The following RGS7 variants were observed in gnomAD, a reference collection of about 807,000 sequenced individuals.
The protein encoded by RGS7 is regulator of G protein signaling 7.
RGS7 carries 27 observed loss-of-function variants against 81.1 expected under a neutral mutation model. The observed-to-expected ratio is 0.33, with a 90% CI of 0.25 to 0.46. RGS7 has a LOEUF of 0.46. Ranked by LOEUF, RGS7 falls within the 20% of genes least tolerant of loss-of-function variation. RGS7 has a pLI of 1.00. For synonymous variants in RGS7, 208 were observed against 207.7 expected (o/e 1.00, Z -0.01); for missense variants, 396 against 607.4 (o/e 0.65, Z 3.66).
chr1:240,943,193 T>C (rs796476765), intron 4 of RGS7, among the ~76,000 whole-genome samples: 1 of 152,144 alleles, frequency 6.6e-6, no homozygotes, highest in Non-Finnish European at 1.5e-5. Flanking sequence ...GAAATTAATA[T>C]AAGTAAACGC....
chr1:241,344,416 A>G (rs2082761356), intron 2 of RGS7, among the ~76,000 whole-genome samples: 1 of 152,236 alleles, frequency 6.6e-6, no homozygotes, highest in South Asian at 2.1e-4. Flanking sequence ...TTTCTGGACA[A>G]TTACAATGAA....
At chr1:241,101,923 T>C (rs1030857393) in intron 2 of RGS7, among the ~76,000 whole-genome samples, 1 of 152,218 alleles carries the variant, frequency 6.6e-6, no homozygotes, top group Admixed American at 6.5e-5. Context: ...GTGTTTTCTT[T>C]GTATAGTCTC....
intron 2 of RGS7, among the ~76,000 whole-genome samples, chr1:241,162,317 A>G (rs1333817001): frequency 6.6e-6 from 1 of 151,624 alleles, no homozygotes; most frequent in Admixed American, 6.6e-5. Flanking sequence ...AGCTTCCTCC[A>G]GGAACGCTCT....
chr1:241,260,599 G>A (rs2077278688), intron 2 of RGS7, among the ~76,000 whole-genome samples: 1 of 151,986 alleles, frequency 6.6e-6, no homozygotes, highest in Non-Finnish European at 1.5e-5. Flanking sequence ...GTAGACCTTG[G>A]ATAAGGCATT....
Position 241,098,895 on chromosome 1 carries a change from T to A in RGS7, c.79-133A>T, listed in dbSNP as rs2064502528. The A allele has an allele frequency of 8.6e-6, 6 of 695,422 alleles. No individual in the cohort carries two copies. In the South Asian group the frequency reaches 9.6e-5, roughly 11 times the overall value. The allele number at this position is 695,422 out of a possible 1,614,324, so 43.1% of individuals were successfully genotyped here. A position where few individuals can be genotyped will look rare whatever the true frequency, so the allele number is the denominator to read the frequency against. ...GCCGTATTCTTGCCTTTCTAGTTTT[T>A]GCCACATTAATAGTTTAAATACTGT... On this transcript the variant is annotated intron_variant, in intron 2 of 18. Coordinates refer to ENST00000440928, the MANE Select transcript of RGS7 (RefSeq NM_001364886.1).
chr1:241,317,525 G>T (rs2080952814), intron 2 of RGS7, among the ~76,000 whole-genome samples: 1 of 152,138 alleles, frequency 6.6e-6, no homozygotes. Context: ...GGAAGCTACT[G>T]TCAACTCTTC....
chr1:241,348,065 G>A (rs1194164369), intron 2 of RGS7, among the ~76,000 whole-genome samples: 3 of 152,104 alleles, frequency 2.0e-5, no homozygotes, highest in Non-Finnish European at 2.9e-5. Flanking sequence ...TAGCCACCAA[G>A]ACCATTTAAA....
intron 3 of RGS7, among the ~76,000 whole-genome samples, chr1:241,066,827 T>C (rs1225782652): frequency 6.6e-6 from 1 of 152,202 alleles, no homozygotes; most frequent in Non-Finnish European, 1.5e-5. Context: ...CTAGGCCCTT[T>C]AGCTCGCTAT....
intron 4 of RGS7, among the ~76,000 whole-genome samples, chr1:240,967,882 T>C (rs6683585): frequency 0.4 from 61,459 of 152,054 alleles, 13,178 homozygotes; most frequent in East Asian, 0.63. Context: ...AAATTAGAGT[T>C]ATTGCTTTTA....
Position 240,981,130 on chromosome 1 carries a change from G to C in RGS7, c.226+1949C>G, listed in dbSNP as rs144932659. 1.7e-3 allele frequency among the ~76,000 whole-genome samples: 252 copies of C among 152,052 alleles called. 5 individuals are homozygous for C. The East Asian group carries it at 0.042, about 25-fold the overall frequency. ...TTGTTTGTTTGTTTGTTTGTTTCGA[G>C]ACAGAGTCACGCTCTGTCACCCAGG... On this transcript the variant is annotated intron_variant, in intron 4 of 18. Transcript: ENST00000440928.
At chr1:241,106,716 CAAAAAAAAAAAA>C (rs757488665) in intron 2 of RGS7, among the ~76,000 whole-genome samples, 5 of 34,050 alleles carry the variant, frequency 1.5e-4, no homozygotes, top group Non-Finnish European at 3.4e-4. Flanking sequence ...ACTCCGTCTC[CAAAAAAAAAAAA>C]AAAAAAAAAA....
chr1:241,288,698 C>A (rs148679447), intron 2 of RGS7, among the ~76,000 whole-genome samples: 1 of 152,302 alleles, frequency 6.6e-6, no homozygotes, highest in African/African-American at 2.4e-5. Flanking sequence ...GGGCGCCTAA[C>A]AATTGCAATC....
At chr1:241,020,660 A>G (rs1185253241) in intron 3 of RGS7, among the ~76,000 whole-genome samples, 1 of 152,178 alleles carries the variant, frequency 6.6e-6, no homozygotes, top group South Asian at 2.1e-4. Context: ...ATCTTCTATA[A>G]TGTATTAGTT....
rs775622578 is a variant in RGS7, at chr1:240,983,083, A to G, written c.222T>C (p.Asp74=). 2 of 1,535,218 alleles carry G rather than the reference A, an allele frequency of 1.3e-6. No individual in the cohort carries two copies. The highest frequency in any genetic ancestry group is 2.7e-5 in the African/African-American group (2 of 73,366). Residue 74 remains aspartate, a synonymous_variant, in exon 4 of 19, where the codon GAT becomes GAC. Coordinates refer to ENST00000440928, the MANE Select transcript of RGS7 (RefSeq NM_001364886.1). ...ATGGGAAAATGATTTATTTACCTGG[A>G]TCTTCTATAGTTAAGTTCTTTATCA... ...QWLIKNLTIE[D]PVEALHLGTL... is the part of the protein sequence containing the mutation.
At chr1:241,227,570 C>CAAAAAAAAAAAAAAAA (rs5782179) in intron 2 of RGS7, among the ~76,000 whole-genome samples, 1 of 103,726 alleles carries the variant, frequency 9.6e-6, no homozygotes. Flanking sequence ...CTGTCTCTAC[C>CAAAAAAAAAAAAAAAA]AAAAAAAAAA....
At chr1:240,779,270 C>T (rs747607470) in intron 18 of RGS7, among the ~76,000 whole-genome samples, 1 of 151,994 alleles carries the variant, frequency 6.6e-6, no homozygotes, top group Non-Finnish European at 1.5e-5. Flanking sequence ...GATTCTCCTA[C>T]CTCAGCCTCC....
intron 2 of RGS7, among the ~76,000 whole-genome samples, chr1:241,129,375 G>A (rs1170010208): frequency 6.6e-6 from 1 of 152,018 alleles, no homozygotes; most frequent in Admixed American, 6.6e-5. Flanking sequence ...TTTCAGATTT[G>A]GTTAAGTCAG....
intron 2 of RGS7, among the ~76,000 whole-genome samples, chr1:241,168,061 C>T (rs1050039838): frequency 1.3e-5 from 2 of 152,218 alleles, no homozygotes; most frequent in African/African-American, 2.4e-5. Flanking sequence ...CCAATATGGA[C>T]TCTTGGCCAC....
intron 10 of RGS7, 31 bp downstream of exon 10, chr1:240,827,067 C>A: frequency 6.4e-7 from 1 of 1,568,680 alleles, no homozygotes; most frequent in Non-Finnish European, 8.8e-7. Flanking sequence ...CAATCCATCA[C>A]CAAGATCAGC....
Sources: gnomAD v4.1 joint callset for allele counts (sites outside exome capture counted in the v4.1 genomes callset) on GRCh38, gnomAD v4.1.1 for gene constraint, MANE v1.5 for transcripts, NCBI Gene and HGNC (gene_info 2026-07-23, HGNC 2026-07-21) for gene names.